COG5: variants seen among roughly 807,000 people sequenced by gnomAD.
COG5 encodes conserved oligomeric Golgi complex subunit 5.
COG5 carries 86 observed loss-of-function variants against 110.4 expected under a neutral mutation model. The observed-to-expected ratio is 0.78, with a 90% CI of 0.65 to 0.93. COG5 has a LOEUF of 0.93. COG5 is among the 40% of genes least tolerant of loss of function. The pLI is 0.00. For synonymous variants in COG5, 360 were observed against 334.6 expected, an observed-to-expected ratio of 1.08 and a Z score of -0.83; for missense variants, 1,077 against 987.0, an observed-to-expected ratio of 1.09 and a Z score of -1.22.
chr7:107,288,443 T>G (rs1038451439), intron 12 of COG5, among the ~76,000 whole-genome samples: 7 of 152,172 alleles, frequency 4.6e-5, no homozygotes, highest in Non-Finnish European at 2.9e-5. Flanking sequence ...CATATGAGGA[T>G]AGTAATTTCT....
chr7:107,420,878 C>T (rs1043614024), intron 6 of COG5, among the ~76,000 whole-genome samples: 4 of 152,228 alleles, frequency 2.6e-5, no homozygotes, highest in African/African-American at 7.2e-5. Context: ...AAGTCTAAGG[C>T]ACTTCTCAGG....
intron 7 of COG5, among the ~76,000 whole-genome samples, chr7:107,384,764 T>C (rs1382798257): frequency 6.6e-6 from 1 of 152,178 alleles, no homozygotes; most frequent in Non-Finnish European, 1.5e-5. Flanking sequence ...CGGCTGTCTG[T>C]AAGCAAGAAG....
intron 14 of COG5, among the ~76,000 whole-genome samples, chr7:107,270,701 C>T (rs1404620974): frequency 6.6e-6 from 1 of 152,034 alleles, no homozygotes; most frequent in South Asian, 2.1e-4. Flanking sequence ...CATTTAGTTT[C>T]GGTAATGTTA....
At chr7:107,296,189 CTCTTTCTTTCTTTT>C (rs1562956362) in intron 12 of COG5, among the ~76,000 whole-genome samples, 1 of 124,418 alleles carries the variant, frequency 8.0e-6, no homozygotes, top group South Asian at 2.9e-4. Flanking sequence ...TCTTTTCTTT[CTCTTTCTTTCTTTT>C]TCTTTCTTTC....
At chr7:107,211,305 A>G (rs886639952) in intron 19 of COG5, 80 bp from the exon 20 acceptor site, 42 of 1,516,322 alleles carry the variant, frequency 2.8e-5, no homozygotes, top group Non-Finnish European at 3.7e-5. Context: ...TTCTCCTTGT[A>G]GAATAGCATT....
intron 10 of COG5, among the ~76,000 whole-genome samples, chr7:107,344,526 ATTTAT>A (rs1192590103): frequency 6.6e-6 from 1 of 151,976 alleles, no homozygotes; most frequent in Non-Finnish European, 1.5e-5. Flanking sequence ...GTTTTACTTT[ATTTAT>A]TTATTTATTT....
chr7:107,557,704 T>A (rs1454179565), intron 2 of COG5, among the ~76,000 whole-genome samples: 1 of 152,248 alleles, frequency 6.6e-6, no homozygotes, highest in African/African-American at 2.4e-5. Flanking sequence ...ATCGAACACA[T>A]CCTATTTTTT....
At chr7:107,371,762 G>T (rs983577709) in intron 8 of COG5, among the ~76,000 whole-genome samples, 1 of 152,058 alleles carries the variant, frequency 6.6e-6, no homozygotes, top group Non-Finnish European at 1.5e-5. Flanking sequence ...GAGATGCAAA[G>T]AAAGAAACAT....
chr7:107,358,555 G>T (rs1318421780), intron 10 of COG5, among the ~76,000 whole-genome samples: 3 of 152,164 alleles, frequency 2.0e-5, no homozygotes, highest in East Asian at 1.9e-4. Context: ...AGGAAATCCT[G>T]ATTGCAAGGT....
In COG5 at chr7:107,504,133, T is replaced by A. The variant is rs184659266; in HGVS notation, c.538+23104A>T. ...GTTCAGTATGATGTCGGCTGTGGGT[T>A]TGTCATATATGGCTTTTATTAATTT... On this transcript the variant is annotated intron_variant, in intron 6 of 21. Coordinates refer to ENST00000297135, the MANE Select transcript of COG5 (RefSeq NM_006348.5). Among the ~76,000 whole-genome samples the A allele has an allele frequency of 9.4e-4, 143 of 152,284 alleles. 1 individual carries two copies. The Middle Eastern group carries it at 0.017, about 18-fold the overall frequency.
At chr7:107,422,016 G>A (rs1195797605) in intron 6 of COG5, among the ~76,000 whole-genome samples, 2 of 151,820 alleles carry the variant, frequency 1.3e-5, no homozygotes, top group African/African-American at 4.8e-5. Flanking sequence ...TTAGAAAAAG[G>A]TCTCAAATCA....
chr7:107,541,523 A>AAAAAAAAAAAAATAT (rs60423657), intron 5 of COG5, among the ~76,000 whole-genome samples: 5 of 57,022 alleles, frequency 8.8e-5, no homozygotes, highest in Admixed American at 2.4e-4. Context: ...AAAAAAAAAA[A>AAAAAAAAAAAAATAT]ATATATATAT....
At chr7:107,502,835 G>A (rs1798720306) in intron 6 of COG5, among the ~76,000 whole-genome samples, 1 of 152,066 alleles carries the variant, frequency 6.6e-6, no homozygotes, top group South Asian at 2.1e-4. Flanking sequence ...GTCTATTCAT[G>A]TCATTTGCCC....
intron 3 of COG5, among the ~76,000 whole-genome samples, chr7:107,549,989 T>A (rs903739807): frequency 8.8e-4 from 134 of 152,278 alleles, no homozygotes; most frequent in African/African-American, 3.1e-3. Flanking sequence ...TATGTTCTCA[T>A]TCCCTATCTC....
intron 7 of COG5, among the ~76,000 whole-genome samples, chr7:107,394,630 A>T (rs1300314951): frequency 6.6e-6 from 1 of 152,262 alleles, no homozygotes; most frequent in Admixed American, 6.5e-5. Context: ...TTACAAAGCC[A>T]TAGGCTAATA....
intron 6 of COG5, chr7:107,472,586 C>T (rs1796701561): frequency 1.3e-5 from 2 of 151,924 alleles, no homozygotes; most frequent in South Asian, 4.1e-4. Flanking sequence ...AAATTTGGCA[C>T]ACTTAAAATT....
At chr7:107,535,295 C>T (rs1323383181) in intron 5 of COG5, among the ~76,000 whole-genome samples, 1 of 151,406 alleles carries the variant, frequency 6.6e-6, no homozygotes, top group Non-Finnish European at 1.5e-5. Context: ...CAAAATCTAG[C>T]AGAAGACAAG....
chr7:107,400,704 G>A (rs1364992323), intron 7 of COG5, among the ~76,000 whole-genome samples: 1 of 152,052 alleles, frequency 6.6e-6, no homozygotes, highest in East Asian at 1.9e-4. Flanking sequence ...AAGTCTAAAA[G>A]CAGACAGTTA....
At chr7:107,276,513 A>T (rs1804714134) in intron 14 of COG5, among the ~76,000 whole-genome samples, 1 of 152,132 alleles carries the variant, frequency 6.6e-6, no homozygotes, top group Non-Finnish European at 1.5e-5. Flanking sequence ...CGCTACAAAA[A>T]ATAAGAAAAT....
Sources: gnomAD v4.1 joint callset for allele counts (sites outside exome capture counted in the v4.1 genomes callset) on GRCh38, gnomAD v4.1.1 for gene constraint, MANE v1.5 for transcripts, NCBI Gene and HGNC (gene_info 2026-07-23, HGNC 2026-07-21) for gene names.